Variants in TUSC3 observed in about 807,000 individuals in gnomAD.
TUSC3 encodes the protein dolichyl-diphosphooligosaccharide--protein glycosyltransferase subunit TUSC3.
Under a neutral mutation model 44.8 loss-of-function variants are expected in TUSC3, and 45 were observed. The ratio of observed to expected loss-of-function variants is 1.00; its 90% CI spans 0.79 to 1.29. TUSC3 has a LOEUF of 1.29. Ranked by LOEUF, TUSC3 falls within the 50% of genes most tolerant of loss-of-function variation. The pLI is 0.00. For missense variants in TUSC3, 519 were observed against 437.9 expected, an observed-to-expected ratio of 1.19 and a Z score of -1.65; for synonymous variants, 212 against 152.9, an observed-to-expected ratio of 1.39 and a Z score of -2.85.
the TUSC3 span, among the ~76,000 whole-genome samples, chr8:15,840,235 G>A: frequency 6.6e-6 from 1 of 152,094 alleles, no homozygotes; most frequent in Admixed American, 6.6e-5. Flanking sequence ...TGTGGGGTGG[G>A]GGAAGGAGGG....
At chr8:15,789,300 A>T in the TUSC3 span, among the ~76,000 whole-genome samples, 1 of 152,316 alleles carries the variant, frequency 6.6e-6, no homozygotes, top group African/African-American at 2.4e-5. Context: ...ATCCTATGTG[A>T]TCACATGATC....
intron 1 of TUSC3, among the ~76,000 whole-genome samples, chr8:15,475,924 AGTATGAT>A (rs1800568777): frequency 6.6e-6 from 1 of 152,210 alleles, no homozygotes; most frequent in Middle Eastern, 3.2e-3. Flanking sequence ...AGAATAACTC[AGTATGAT>A]GTACATTTAG....
At chr8:15,618,190 T>A (rs138693914) in intron 1 of TUSC3, among the ~76,000 whole-genome samples, 18 of 152,352 alleles carry the variant, frequency 1.2e-4, no homozygotes, top group African/African-American at 4.1e-4. Flanking sequence ...GGGACGTTAC[T>A]GTACACTACT....
intron 6 of TUSC3, among the ~76,000 whole-genome samples, chr8:15,684,734 G>A (rs1808558854): frequency 6.6e-6 from 1 of 152,172 alleles, no homozygotes; most frequent in Non-Finnish European, 1.5e-5. Context: ...CCACAGATCT[G>A]CAGCTTGGTA....
chr8:15,835,184 A>G, the TUSC3 span, among the ~76,000 whole-genome samples: 10 of 152,148 alleles, frequency 6.6e-5, no homozygotes, highest in Admixed American at 3.9e-4. Flanking sequence ...TTCATAAGTG[A>G]TATTTTTAAA....
chr8:15,445,571 C>G (rs541929537), intron 1 of TUSC3, among the ~76,000 whole-genome samples: 7 of 152,112 alleles, frequency 4.6e-5, no homozygotes, highest in Non-Finnish European at 8.8e-5. Context: ...CATCTTGCAC[C>G]GCCCTTAATC....
At chr8:15,575,298 A>G (rs548427972) in intron 1 of TUSC3, among the ~76,000 whole-genome samples, 1 of 152,304 alleles carries the variant, frequency 6.6e-6, no homozygotes, top group African/African-American at 2.4e-5. Flanking sequence ...GTGTTGTATT[A>G]AGATTCCTCA....
At chr8:15,570,027 C>CTA (rs557080738) in intron 1 of TUSC3, among the ~76,000 whole-genome samples, 2 of 151,836 alleles carry the variant, frequency 1.3e-5, no homozygotes, top group East Asian at 1.9e-4. Flanking sequence ...ATTTTGGATC[C>CTA]TATATATATT....
the TUSC3 span, among the ~76,000 whole-genome samples, chr8:15,825,885 CTTTTTT>C: frequency 8.3e-6 from 1 of 120,386 alleles, no homozygotes; most frequent in Non-Finnish European, 1.8e-5. Context: ...ACAGTTGTTT[CTTTTTT>C]TTTTTTTTTT....
intron 7 of TUSC3, among the ~76,000 whole-genome samples, chr8:15,733,127 G>C (rs1810789813): frequency 6.6e-6 from 1 of 152,122 alleles, no homozygotes; most frequent in Admixed American, 6.6e-5. Context: ...CTGCACATCA[G>C]AGGTGCCTTC....
intron 3 of TUSC3, among the ~76,000 whole-genome samples, chr8:15,658,891 G>C (rs1807294817): frequency 6.6e-6 from 1 of 152,028 alleles, no homozygotes; most frequent in African/African-American, 2.4e-5. Context: ...TAACACAGTT[G>C]AGTTAATAGA....
chr8:15,693,794 G>A (rs994359601), intron 6 of TUSC3, among the ~76,000 whole-genome samples: 9 of 151,884 alleles, frequency 5.9e-5, no homozygotes, highest in Middle Eastern at 3.2e-3. Context: ...TCGTAGATTT[G>A]GTTCCCTTTA....
At chr8:15,638,347 G>C (rs775952696) in intron 2 of TUSC3, among the ~76,000 whole-genome samples, 3 of 151,834 alleles carry the variant, frequency 2.0e-5, no homozygotes, top group African/African-American at 2.4e-5. Flanking sequence ...TAGTAGTTTT[G>C]ATTATGCTTT....
At chr8:15,444,087 C>A (rs547169159) in intron 1 of TUSC3, among the ~76,000 whole-genome samples, 1 of 152,284 alleles carries the variant, frequency 6.6e-6, no homozygotes, top group East Asian at 1.9e-4. Context: ...TTCTCTATTG[C>A]GATTCCCCTG....
intron 2 of TUSC3, among the ~76,000 whole-genome samples, chr8:15,531,531 C>T (rs895695474): frequency 2.0e-5 from 3 of 152,176 alleles, no homozygotes; most frequent in African/African-American, 7.2e-5. Flanking sequence ...GGATTACAGG[C>T]GTGAGCCTCT....
At chr8:15,507,554 T>C (rs981764944) in intron 2 of TUSC3, among the ~76,000 whole-genome samples, 1 of 152,136 alleles carries the variant, frequency 6.6e-6, no homozygotes, top group African/African-American at 2.4e-5. Context: ...TTTTTTGAGT[T>C]TTATCAATTT....
intron 1 of TUSC3, among the ~76,000 whole-genome samples, chr8:15,424,740 C>T (rs977666361): frequency 6.6e-6 from 1 of 151,960 alleles, no homozygotes; most frequent in Admixed American, 6.6e-5. Flanking sequence ...ATTAGCCAGG[C>T]GTGGTGGCAC....
chr8:15,585,547 G>C (rs1221011894), intron 1 of TUSC3, among the ~76,000 whole-genome samples: 1 of 152,124 alleles, frequency 6.6e-6, no homozygotes, highest in Admixed American at 6.6e-5. Context: ...ACTGATGAGG[G>C]CTGGGCATCT....
chr8:15,457,069 A>G (rs1242156566), intron 1 of TUSC3, among the ~76,000 whole-genome samples: 2 of 151,792 alleles, frequency 1.3e-5, no homozygotes, highest in East Asian at 1.9e-4. Context: ...TCGCAAGGAT[A>G]AAAAACCAAA....
Sources: gnomAD v4.1 joint callset for allele counts (sites outside exome capture counted in the v4.1 genomes callset) on GRCh38, gnomAD v4.1.1 for gene constraint, MANE v1.5 for transcripts, NCBI Gene and HGNC (gene_info 2026-07-23, HGNC 2026-07-21) for gene names.